RYR2: variants seen among roughly 807,000 people sequenced by gnomAD.
RYR2 encodes cardiac muscle ryanodine receptor-calcium release channel.
Under a neutral mutation model 601.1 loss-of-function variants are expected in RYR2, and 227 were observed. The observed-to-expected ratio is 0.38, with a 90% CI of 0.34 to 0.42. The LOEUF (loss-of-function observed/expected upper bound fraction) is 0.42. RYR2 is among the 10% of genes least tolerant of loss of function. RYR2 has a pLI of 1.00. For synonymous variants in RYR2, 2,223 were observed against 2,175.1 expected, an observed-to-expected ratio of 1.02 and a Z score of -0.61; for missense variants, 4,646 against 6,156.5, an observed-to-expected ratio of 0.75 and a Z score of 8.21.
intron 34 of RYR2, among the ~76,000 whole-genome samples, chr1:237,597,840 C>A (rs907350105): frequency 6.6e-6 from 1 of 152,034 alleles, no homozygotes; most frequent in Non-Finnish European, 1.5e-5. Flanking sequence ...TCAATAATAA[C>A]CTTGAATGTA....
chr1:237,265,051 A>G (rs1229585451), intron 1 of RYR2, among the ~76,000 whole-genome samples: 1 of 152,126 alleles, frequency 6.6e-6, no homozygotes, highest in African/African-American at 2.4e-5. Flanking sequence ...CATGATAACA[A>G]TTGAAGAAAC....
At chr1:237,398,880 A>G (rs1425312147) in intron 10 of RYR2, among the ~76,000 whole-genome samples, 4 of 152,194 alleles carry the variant, frequency 2.6e-5, no homozygotes, top group Admixed American at 1.3e-4. Context: ...CAGCAGTGAA[A>G]TGGAATGGTC....
chr1:237,718,542 A>C, intron 73 of RYR2, 21 bp downstream of exon 73: 7 of 1,454,758 alleles, frequency 4.8e-6, no homozygotes, highest in Non-Finnish European at 6.8e-6. Flanking sequence ...TTTTATTCTT[A>C]AGCCACATTT....
chr1:237,371,665 C>G (rs1700651567), intron 6 of RYR2, among the ~76,000 whole-genome samples: 2 of 152,022 alleles, frequency 1.3e-5, no homozygotes, highest in Admixed American at 6.5e-5. Flanking sequence ...TAACACTATC[C>G]AACTGGATTA....
chr1:237,548,084 TA>T (rs1284144341), intron 25 of RYR2, among the ~76,000 whole-genome samples: 1 of 152,232 alleles, frequency 6.6e-6, no homozygotes, highest in Non-Finnish European at 1.5e-5. Context: ...GAGAAATCTC[TA>T]AAATATTTCA....
chr1:237,042,339 C>T lies in RYR2; in HGVS notation c.-183C>T, dbSNP rs900286089. ...GCCCCGCGCCTCGACCACCCGCGCC[C>T]GAGCGTCCGCGCCTCCTCCTCCGCT... On this transcript the variant is annotated 5_prime_UTR_variant, in exon 1 of 105. Transcript: ENST00000366574. The T allele has an allele frequency of 3.7e-5, 15 of 402,220 alleles. No individual in the cohort carries two copies. Among genetic ancestry groups the T allele is most frequent in the African/African-American group, 2.1e-4 (10 of 46,846 alleles). 24.9% of individuals were successfully genotyped at this position (402,220 alleles called of 1,614,324 possible).
At chr1:237,657,689 A>G (rs1018786123) in intron 53 of RYR2, among the ~76,000 whole-genome samples, 4 of 151,470 alleles carry the variant, frequency 2.6e-5, no homozygotes, top group Admixed American at 2.6e-4. Context: ...TTGTTATTAT[A>G]GTTTTATAAT....
At chr1:237,486,049 A>G (rs1326966895) in intron 17 of RYR2, among the ~76,000 whole-genome samples, 2 of 152,194 alleles carry the variant, frequency 1.3e-5, no homozygotes, top group Non-Finnish European at 2.9e-5. Context: ...TGGACACAGG[A>G]TTAATGAATT....
intron 101 of RYR2, among the ~76,000 whole-genome samples, chr1:237,825,209 C>T (rs891371027): frequency 1.3e-5 from 2 of 152,178 alleles, no homozygotes; most frequent in Admixed American, 6.5e-5. Context: ...ATAGCCCAGA[C>T]AATCCTAAGC....
intron 1 of RYR2, among the ~76,000 whole-genome samples, chr1:237,059,826 A>G (rs186989632): frequency 6.6e-6 from 1 of 152,332 alleles, no homozygotes; most frequent in East Asian, 1.9e-4. Context: ...CTATGAATGT[A>G]TTGGATGGAA....
At chr1:237,579,503 C>T (rs138188319) in intron 29 of RYR2, among the ~76,000 whole-genome samples, 1 of 152,172 alleles carries the variant, frequency 6.6e-6, no homozygotes, top group East Asian at 1.9e-4. Context: ...GATCCACCTG[C>T]CTCGGCCTCC....
At chr1:237,588,389 C>T (rs746766920) in intron 29 of RYR2, among the ~76,000 whole-genome samples, 2 of 152,274 alleles carry the variant, frequency 1.3e-5, no homozygotes, top group East Asian at 3.9e-4. Context: ...AATGACAGAG[C>T]TAACTACAAT....
intron 36 of RYR2, among the ~76,000 whole-genome samples, chr1:237,612,355 TA>T (rs1336844494): frequency 1.3e-5 from 2 of 152,186 alleles, no homozygotes; most frequent in African/African-American, 4.8e-5. Context: ...CTTATAGTTA[TA>T]GTTACACAAC....
chr1:237,466,084 C>T (rs1040807824), intron 16 of RYR2, among the ~76,000 whole-genome samples: 6 of 152,132 alleles, frequency 3.9e-5, no homozygotes, highest in Non-Finnish European at 8.8e-5. Context: ...AAATACATAT[C>T]TATATATCTA....
intron 3 of RYR2, among the ~76,000 whole-genome samples, chr1:237,337,117 T>A (rs868373700): frequency 6.6e-6 from 1 of 151,800 alleles, no homozygotes; most frequent in South Asian, 2.1e-4. Flanking sequence ...CCAGACGTGG[T>A]GACACGTGCC....
At chr1:237,121,740 A>G (rs1226771443) in intron 1 of RYR2, among the ~76,000 whole-genome samples, 1 of 152,200 alleles carries the variant, frequency 6.6e-6, no homozygotes, top group East Asian at 1.9e-4. Flanking sequence ...AACGGAGGCC[A>G]CCATGGGTTC....
At chr1:237,623,926 C>A (rs953655578) in intron 39 of RYR2, 56 bp downstream of exon 39, 22 of 1,160,626 alleles carry the variant, frequency 1.9e-5, no homozygotes, top group Non-Finnish European at 2.5e-5. Context: ...ATCCATATAT[C>A]CTGAGACGAA....
intron 23 of RYR2, among the ~76,000 whole-genome samples, chr1:237,507,107 T>A (rs761388762): frequency 6.6e-6 from 1 of 152,238 alleles, no homozygotes; most frequent in Non-Finnish European, 1.5e-5. Flanking sequence ...CATATACAGA[T>A]AATAGGCATT....
At chr1:237,399,436 A>G (rs534341633) in intron 10 of RYR2, among the ~76,000 whole-genome samples, 2 of 152,218 alleles carry the variant, frequency 1.3e-5, no homozygotes, top group South Asian at 4.1e-4. Flanking sequence ...ACTTGAAGGA[A>G]CTTTGTGGCG....
Sources: allele counts gnomAD v4.1 joint callset (sites outside exome capture counted in the v4.1 genomes callset), GRCh38; gene constraint gnomAD v4.1.1; transcripts MANE v1.5; gene names NCBI Gene and HGNC (gene_info 2026-07-23, HGNC 2026-07-21).